TIAM1: variants seen among roughly 807,000 people sequenced by gnomAD.
TIAM1 encodes TIAM Rac1 associated GEF 1.
A neutral mutation model predicts 163.5 loss-of-function variants in TIAM1; 65 were observed. That is an observed-to-expected ratio of 0.40 (90% confidence interval 0.33 to 0.49). The LOEUF (loss-of-function observed/expected upper bound fraction) is 0.49, where lower values mean the gene tolerates loss of function less well. TIAM1 is among the 20% of genes least tolerant of loss of function. The pLI, the probability that TIAM1 is intolerant of heterozygous loss-of-function variation, is 0.77. For missense variants in TIAM1, 1,789 were observed against 2,044.7 expected (o/e 0.87, Z 2.41); for synonymous variants, 833 against 810.1 (o/e 1.03, Z -0.48).
intron 2 of TIAM1, among the ~76,000 whole-genome samples, chr21:31,280,074 C>T (rs975037277): frequency 2.0e-5 from 3 of 152,076 alleles, no homozygotes; most frequent in African/African-American, 7.2e-5. Context: ...TCCAGCAGTA[C>T]CAGTAGGCCT....
chr21:31,231,377 C>T (rs1401645899), intron 6 of TIAM1, among the ~76,000 whole-genome samples: 4 of 152,118 alleles, frequency 2.6e-5, no homozygotes, highest in African/African-American at 9.7e-5. Context: ...CACTTGGAAC[C>T]CCAAGAAAGA....
In TIAM1 at chr21:31,395,249, A is replaced by G. The variant is rs1382087251; in HGVS notation, c.-368-55827T>C. 6.9e-6 allele frequency among the ~76,000 whole-genome samples: 1 copy of G among 144,956 alleles called. No homozygotes were observed. Among genetic ancestry groups the G allele is most frequent in the Non-Finnish European group, 1.5e-5 (1 of 65,620 alleles). ...TGAGACTCTGTCTCAAAAAAAAAAA[A>G]GAGGAGGTGGGGGGAGAACAAAACT... On this transcript the variant is annotated intron_variant, in intron 2 of 28. Transcript: ENST00000286827. The surrounding 1 kb of genome is among the most constrained non-coding windows in gnomAD (Gnocchi z 7.5).
chr21:31,323,646 C>CA (rs34168599), intron 2 of TIAM1, among the ~76,000 whole-genome samples: 36,947 of 151,786 alleles, frequency 0.24, 5,058 homozygotes, highest in East Asian at 0.44. Context: ...GCCTGGCCAA[C>CA]ATGACAAAAC....
chr21:31,202,289 C>A (rs1175846552), intron 12 of TIAM1, among the ~76,000 whole-genome samples: 1 of 151,856 alleles, frequency 6.6e-6, no homozygotes, highest in Non-Finnish European at 1.5e-5. Context: ...CAGTGGCTCA[C>A]GCCTGTAATT....
chr21:31,194,305 G>A (rs915592479), intron 13 of TIAM1, among the ~76,000 whole-genome samples: 2 of 152,140 alleles, frequency 1.3e-5, no homozygotes, highest in African/African-American at 4.8e-5. Flanking sequence ...CAGAGGCTGA[G>A]CTCTGTGGGT....
At chr21:31,209,918 A>G (rs2086638495) in intron 11 of TIAM1, 127 bp downstream of exon 11, 2 of 940,958 alleles carry the variant, frequency 2.1e-6, no homozygotes, top group South Asian at 3.9e-5. Context: ...GCTGCTCCGA[A>G]ATGAAAGGGA....
At position 31,455,863 on chromosome 21, in the gene TIAM1, G is replaced by C. The variant is rs145569293; in HGVS notation, c.-369+8120C>G. Among the ~76,000 whole-genome samples, 618 of 152,302 alleles carry C rather than the reference G, an allele frequency of 4.1e-3. 7 individuals carry two copies. The highest frequency in any genetic ancestry group is 0.014 in the African/African-American group (581 of 41,570). ...GCTGTCAAGGAAAAACTGAGGAACT[G>C]ATCTCAACTGAAGGAAACCACTAAA... On this transcript the variant is annotated intron_variant, in intron 2 of 28. Coordinates refer to the TIAM1 transcript ENST00000286827.
chr21:31,237,253 C>T (rs907597532), intron 6 of TIAM1, among the ~76,000 whole-genome samples: 2 of 152,146 alleles, frequency 1.3e-5, no homozygotes, highest in African/African-American at 4.8e-5. Flanking sequence ...ACCACAAGTC[C>T]ACTTGACACC....
chr21:31,266,992 A>C lies in TIAM1; in HGVS notation c.-11-9T>G. 3.2e-6 allele frequency: 5 copies of C among 1,579,430 alleles called. No homozygotes were observed. The highest frequency in any genetic ancestry group is 4.3e-6 in the Non-Finnish European group (5 of 1,160,836). ...TCCCATGGTTTTATGGTCTGCAGCA[A>C]AGCGGGGGGAAAGGGGAGAATTGAG... On this transcript the variant is annotated splice_polypyrimidine_tract_variant and intron_variant, in intron 3 of 27. Transcript: ENST00000541036.
At chr21:31,438,071 C>T (rs930183516) in intron 2 of TIAM1, among the ~76,000 whole-genome samples, 1 of 151,920 alleles carries the variant, frequency 6.6e-6, no homozygotes, top group Non-Finnish European at 1.5e-5. Context: ...GAGCAGCTAC[C>T]CTCATCAACT....
intron 2 of TIAM1, among the ~76,000 whole-genome samples, chr21:31,382,782 G>T (rs374288030): frequency 1.4e-4 from 22 of 152,244 alleles, no homozygotes; most frequent in African/African-American, 5.1e-4. Flanking sequence ...ATTAATGAAA[G>T]CATGTGATTC....
chr21:31,249,816 C>T (rs2071696157), intron 5 of TIAM1, among the ~76,000 whole-genome samples: 1 of 152,124 alleles, frequency 6.6e-6, no homozygotes. Context: ...ACACGATGCA[C>T]ATCTATGTCT....
At chr21:31,427,894 C>A (rs113218502) in intron 2 of TIAM1, among the ~76,000 whole-genome samples, 5,968 of 152,036 alleles carry the variant, frequency 0.039, 384 homozygotes, top group African/African-American at 0.13. Context: ...AGAAAGGGAA[C>A]GAAAAACTTT....
chr21:31,200,044 A>G (rs1029547036), intron 12 of TIAM1, among the ~76,000 whole-genome samples: 1 of 152,154 alleles, frequency 6.6e-6, no homozygotes, highest in African/African-American at 2.4e-5. Flanking sequence ...CTGACATATT[A>G]CACATTCACA....
chr21:31,129,524 T>G (rs2082329740), intron 25 of TIAM1, among the ~76,000 whole-genome samples: 1 of 152,176 alleles, frequency 6.6e-6, no homozygotes, highest in African/African-American at 2.4e-5. Context: ...ACAAAATATT[T>G]AAAAAATTAG....
At chr21:31,364,153 T>C (rs193151783) in intron 2 of TIAM1, among the ~76,000 whole-genome samples, 327 of 152,318 alleles carry the variant, frequency 2.1e-3, no homozygotes, top group African/African-American at 7.5e-3. Context: ...CACTAGCCGA[T>C]AGCTTTCTTA....
At chr21:31,256,419 G>A (rs1447832592) in intron 4 of TIAM1, among the ~76,000 whole-genome samples, 1 of 152,076 alleles carries the variant, frequency 6.6e-6, no homozygotes, top group Admixed American at 6.6e-5. Flanking sequence ...GAATACACCT[G>A]TGTTAAGATG....
chr21:31,332,232 G>A (rs551842951), intron 2 of TIAM1, among the ~76,000 whole-genome samples: 12 of 152,202 alleles, frequency 7.9e-5, no homozygotes, highest in African/African-American at 2.6e-4. Context: ...ATCCAGCCAC[G>A]GCATCTGAGA....
At chr21:31,133,796 G>A (rs1018447839) in intron 23 of TIAM1, among the ~76,000 whole-genome samples, 4 of 152,282 alleles carry the variant, frequency 2.6e-5, no homozygotes, top group Non-Finnish European at 4.4e-5. Context: ...AGGGTCGGGC[G>A]CGGTGGCTCA....
Sources: gnomAD v4.1 joint callset for allele counts (sites outside exome capture counted in the v4.1 genomes callset) on GRCh38, gnomAD v4.1.1 for gene constraint, Gnocchi (gnomAD v3.1) non-coding constraint, MANE v1.5 for transcripts, NCBI Gene and HGNC (gene_info 2026-07-23, HGNC 2026-07-21) for gene names.